Variants in ANGPT2 observed in about 807,000 individuals in gnomAD.
ANGPT2 encodes the protein angiopoietin 2.
In ANGPT2, 28 loss-of-function variants were observed where a neutral mutation model predicts 62.9. The ratio of observed to expected loss-of-function variants is 0.44; its 90% CI spans 0.33 to 0.61. The LOEUF is 0.61. Ranked by LOEUF, ANGPT2 falls within the 20% of genes least tolerant of loss-of-function variation. The pLI is 0.03. For missense variants in ANGPT2, 727 were observed against 594.9 expected (o/e 1.22, Z -2.31); for synonymous variants, 284 against 207.8 (o/e 1.37, Z -3.15).
Position 6,502,598 on chromosome 8 carries a change from T to C in ANGPT2, c.*503A>G, listed in dbSNP as rs1403438276. 1 of 152,510 alleles carries C rather than the reference T, an allele frequency of 6.6e-6. No homozygotes were observed. The highest frequency in any genetic ancestry group is 2.4e-5 in the African/African-American group (1 of 41,470). 9.4% of individuals were successfully genotyped at this position (152,510 alleles called of 1,614,324 possible). A position where few individuals can be genotyped will look rare whatever the true frequency, so the allele number is the denominator to read the frequency against. Reference sequence around the variant, plus strand: ...AACTTCTAGTAACCCCTTCTCAGAATATCCCTGAATATGTCTTTTTATGGC... The same window carrying C: ...AACTTCTAGTAACCCCTTCTCAGAACATCCCTGAATATGTCTTTTTATGGC... On this transcript the variant is annotated 3_prime_UTR_variant, in exon 9 of 9. Transcript: ENST00000629816.
chr8:6,509,166 G>T (rs1814415571), intron 7 of ANGPT2, 104 bp from the exon 8 acceptor site: 33 of 1,448,890 alleles, frequency 2.3e-5, no homozygotes, highest in Non-Finnish European at 3.1e-5. Context: ...AGCGTGTTCT[G>T]TACTCGTTAA....
intron 5 of ANGPT2, among the ~76,000 whole-genome samples, chr8:6,517,037 T>C (rs1370239147): frequency 6.6e-6 from 1 of 152,240 alleles, no homozygotes; most frequent in African/African-American, 2.4e-5. Flanking sequence ...TTGTAAAAAC[T>C]GGAGTATTAT....
intron 3 of ANGPT2, among the ~76,000 whole-genome samples, chr8:6,524,101 A>G (rs554664558): frequency 6.6e-6 from 1 of 152,328 alleles, no homozygotes; most frequent in Non-Finnish European, 1.5e-5. Flanking sequence ...CAGATGTCAG[A>G]TTCCTCTCTC....
intron 3 of ANGPT2, among the ~76,000 whole-genome samples, chr8:6,524,541 T>C (rs1297162531): frequency 1.3e-5 from 2 of 152,232 alleles, no homozygotes; most frequent in Non-Finnish European, 2.9e-5. Context: ...CACTGAGTGA[T>C]AGTTGGGTTC....
At chr8:6,517,329 G>A (rs974709850) in intron 5 of ANGPT2, among the ~76,000 whole-genome samples, 2 of 152,152 alleles carry the variant, frequency 1.3e-5, no homozygotes, top group South Asian at 2.1e-4. Flanking sequence ...CAACTCTGAG[G>A]CAATGATTAA....
chr8:6,533,454 T>G (rs112255540), intron 1 of ANGPT2, among the ~76,000 whole-genome samples: 1,808 of 152,256 alleles, frequency 0.012, 17 homozygotes, highest in Non-Finnish European at 0.019. Flanking sequence ...GACCCTAGTT[T>G]CCTCATATGT....
intron 8 of ANGPT2, among the ~76,000 whole-genome samples, chr8:6,505,311 C>CTGTTTT (rs1563305980): frequency 5.1e-4 from 20 of 39,262 alleles, no homozygotes; most frequent in South Asian, 8.5e-4. Flanking sequence ...ATGTATATAA[C>CTGTTTT]ATATATATGT....
At chr8:6,535,326 A>G (rs1452212269) in intron 1 of ANGPT2, among the ~76,000 whole-genome samples, 1 of 152,230 alleles carries the variant, frequency 6.6e-6, no homozygotes, top group Non-Finnish European at 1.5e-5. Flanking sequence ...TCAAATTCCA[A>G]TTTGAAATTA....
intron 1 of ANGPT2, among the ~76,000 whole-genome samples, chr8:6,547,026 C>T (rs1168354352): frequency 6.6e-6 from 1 of 152,130 alleles, no homozygotes; most frequent in Non-Finnish European, 1.5e-5. Flanking sequence ...AAGAAGCGTT[C>T]TCAGAGCAAC....
chr8:6,554,842 A>G (rs1316825707), intron 1 of ANGPT2, among the ~76,000 whole-genome samples: 1 of 152,202 alleles, frequency 6.6e-6, no homozygotes, highest in Non-Finnish European at 1.5e-5. Flanking sequence ...GGGCTCTGGT[A>G]AAAGGATTAA....
intron 1 of ANGPT2, among the ~76,000 whole-genome samples, chr8:6,536,775 C>A (rs956142969): frequency 6.6e-6 from 1 of 152,136 alleles, no homozygotes; most frequent in Admixed American, 6.5e-5. Context: ...TCTGGCTCAT[C>A]CACTTGGATA....
rs779872359 is a variant in ANGPT2, at chr8:6,562,854, G to A, written c.81C>T (p.Asp27=). The part of the protein sequence containing the change: ...AAYNNFRKSM[D]SIGKKQYQVQ... ...CCTGATATTGCTTCTTTCCTATGCT[G>A]TCCATGCTCTTCCGAAAGTTGTTAT... Residue 27 remains aspartate (D), a synonymous_variant, in exon 1 of 9, where the codon GAC becomes GAT. Coordinates refer to ENST00000629816, the MANE Select transcript of ANGPT2 (RefSeq NM_001118887.2). 1 of 1,613,250 alleles carries A rather than the reference G, an allele frequency of 6.2e-7. No homozygotes were observed. Among genetic ancestry groups the A allele is most frequent in the Non-Finnish European group, 8.5e-7 (1 of 1,179,390 alleles).
intron 3 of ANGPT2, among the ~76,000 whole-genome samples, chr8:6,523,711 T>C (rs1357042950): frequency 6.6e-6 from 1 of 152,146 alleles, no homozygotes; most frequent in African/African-American, 2.4e-5. Flanking sequence ...TGCCTCAGCC[T>C]CCTGAGTAGT....
At chr8:6,544,540 G>A (rs768240156) in intron 1 of ANGPT2, among the ~76,000 whole-genome samples, 4 of 152,074 alleles carry the variant, frequency 2.6e-5, no homozygotes, top group Non-Finnish European at 4.4e-5. Flanking sequence ...AGTCATTTTC[G>A]GAGAGAGTTT....
chr8:6,553,157 G>A (rs1823962042), intron 1 of ANGPT2, among the ~76,000 whole-genome samples: 1 of 152,154 alleles, frequency 6.6e-6, no homozygotes, highest in Non-Finnish European at 1.5e-5. Context: ...CCACTCTGGT[G>A]CAGGATGTTG....
chr8:6,562,659 C>T lies in ANGPT2; in HGVS notation c.276G>A (p.Gln92=). The T allele has an allele frequency of 2.6e-6, 4 of 1,531,100 alleles. No homozygotes were observed. Among genetic ancestry groups the T allele is most frequent in the African/African-American group, 1.4e-5 (1 of 71,712 alleles). 94.8% of individuals were successfully genotyped at this position (1,531,100 alleles called of 1,614,324 possible). A position where few individuals can be genotyped will look rare whatever the true frequency, so the allele number is the denominator to read the frequency against. The change falls in exon 1 of 9, where the codon CAG becomes CAA. Residue 92 remains glutamine, a synonymous_variant. Transcript: ENST00000629816. ...ATTTTTTTCCTACCTTCATTAGCCA[C>T]TGAGTGTTGTTTTCCATGATGTTCT... is the stretch of plus-strand genomic sequence containing the variant. The part of the protein sequence containing the change: ...VLENIMENNT[Q]WLMKLENYIQ...
intron 8 of ANGPT2, 113 bp from the exon 9 acceptor site, chr8:6,503,374 A>T (rs1385955899): frequency 9.5e-7 from 1 of 1,054,464 alleles, no homozygotes; most frequent in Non-Finnish European, 1.4e-6. Flanking sequence ...TGGAGTAGGC[A>T]CATGCAGATG....
At chr8:6,526,983 A>C (rs1451008737) in intron 3 of ANGPT2, among the ~76,000 whole-genome samples, 2 of 152,218 alleles carry the variant, frequency 1.3e-5, no homozygotes, top group Non-Finnish European at 2.9e-5. Flanking sequence ...GTGTTTGAAG[A>C]GGAAACATTG....
Position 6,499,947 on chromosome 8 carries a change from T to C in ANGPT2, c.*3154A>G, listed in dbSNP as rs764775348. ...CAGCTCCCGTAAGTCAGATGTTGTT[T>C]TACGATGGTAAATGCAGTTTGCTGT... On this transcript the variant is annotated 3_prime_UTR_variant, in exon 9 of 9. Transcript: ENST00000629816. The C allele has an allele frequency of 6.2e-7, 1 of 1,606,238 alleles. No homozygotes were observed. The highest frequency in any genetic ancestry group is 8.5e-7 in the Non-Finnish European group (1 of 1,173,140).
Sources: gnomAD v4.1 joint callset for allele counts (sites outside exome capture counted in the v4.1 genomes callset) on GRCh38, gnomAD v4.1.1 for gene constraint, MANE v1.5 for transcripts, NCBI Gene and HGNC (gene_info 2026-07-23, HGNC 2026-07-21) for gene names.